The following PCSK5 variants were observed in gnomAD, a reference collection of about 807,000 sequenced individuals.
PCSK5 encodes the protein proprotein convertase subtilisin/kexin type 5, also known as prohormone convertase 5.
In PCSK5, 129 loss-of-function variants were observed where a neutral mutation model predicts 233.2. The observed-to-expected ratio is 0.55, with a 90% CI of 0.48 to 0.64. PCSK5 has a LOEUF of 0.64. PCSK5 is among the 30% of genes least tolerant of loss of function. PCSK5 has a pLI of 0.00. For missense variants in PCSK5, 2,076 were observed against 2,430.1 expected, an observed-to-expected ratio of 0.85 and a Z score of 3.06; for synonymous variants, 825 against 879.2, an observed-to-expected ratio of 0.94 and a Z score of 1.09.
chr9:76,151,785 T>C (rs1046681821), intron 10 of PCSK5, among the ~76,000 whole-genome samples: 20 of 152,228 alleles, frequency 1.3e-4, no homozygotes, highest in African/African-American at 4.6e-4. Context: ...CTTTTATACT[T>C]ACAGTAATTA....
At chr9:76,356,147 CTG>C (rs1830297375) in intron 37 of PCSK5, among the ~76,000 whole-genome samples, 1 of 152,216 alleles carries the variant, frequency 6.6e-6, no homozygotes, top group Admixed American at 6.5e-5. Context: ...AATATCCATT[CTG>C]TGTCAGCTAA....
intron 21 of PCSK5, among the ~76,000 whole-genome samples, chr9:76,227,861 C>G (rs1415354543): frequency 6.6e-6 from 1 of 152,134 alleles, no homozygotes; most frequent in African/African-American, 2.4e-5. Context: ...CAATAGGGTG[C>G]CTTTGATGCC....
intron 2 of PCSK5, among the ~76,000 whole-genome samples, chr9:75,958,258 G>C (rs1825181963): frequency 6.6e-6 from 1 of 152,166 alleles, no homozygotes; most frequent in African/African-American, 2.4e-5. Flanking sequence ...ACAATCCCCT[G>C]TAACAGGCCT....
chr9:75,900,379 CT>C (rs1825973253), intron 1 of PCSK5, among the ~76,000 whole-genome samples: 1 of 152,092 alleles, frequency 6.6e-6, no homozygotes, highest in African/African-American at 2.4e-5. Flanking sequence ...GTTATTATAT[CT>C]TGTTTAAAAT....
intron 7 of PCSK5, among the ~76,000 whole-genome samples, chr9:76,094,093 A>G (rs1252322699): frequency 1.3e-5 from 2 of 152,174 alleles, no homozygotes; most frequent in Admixed American, 1.3e-4. Context: ...AATATTTCCA[A>G]TTCCTGGGTA....
intron 20 of PCSK5, among the ~76,000 whole-genome samples, chr9:76,222,992 T>C (rs1157318018): frequency 6.6e-6 from 1 of 152,222 alleles, no homozygotes; most frequent in Non-Finnish European, 1.5e-5. Flanking sequence ...TCATACTCTA[T>C]GATTTCTGGC....
rs765295513 is a variant in PCSK5 at position 76,310,807 on chromosome 9, C to T, written c.3840C>T (p.His1280=). The T allele has an allele frequency of 4.3e-6, 7 of 1,610,432 alleles. No individual in the cohort carries two copies. The highest frequency in any genetic ancestry group is 1.1e-5 in the South Asian group (1 of 90,510). Reference sequence around the variant, plus strand: ...AAAAATGCCAGATGCAGCCGGGCCACCCTCTCTTCCTCCATGAAGGCAGGT... The same window carrying T: ...AAAAATGCCAGATGCAGCCGGGCCATCCTCTCTTCCTCCATGAAGGCAGGT... ...LCKKCQMQPG[H]PLFLHEGRCY... The change falls in exon 30 of 38, where the codon CAC becomes CAT. Residue 1280 remains histidine (H), a synonymous_variant. Transcript: ENST00000674117.
At chr9:76,093,259 T>C (rs927979598) in intron 7 of PCSK5, among the ~76,000 whole-genome samples, 1 of 151,802 alleles carries the variant, frequency 6.6e-6, no homozygotes, top group Non-Finnish European at 1.5e-5. Context: ...CACCCGGCTA[T>C]TTCTTTTTAA....
intron 19 of PCSK5, among the ~76,000 whole-genome samples, 182 bp downstream of exon 19, chr9:76,189,405 A>G (rs975744000): frequency 6.6e-6 from 1 of 152,222 alleles, no homozygotes; most frequent in Non-Finnish European, 1.5e-5. Context: ...CCTTTGCCTC[A>G]GGGGCACCTT....
At chr9:76,004,475 G>A (rs775501670) in intron 3 of PCSK5, among the ~76,000 whole-genome samples, 1 of 152,132 alleles carries the variant, frequency 6.6e-6, no homozygotes, top group Non-Finnish European at 1.5e-5. Flanking sequence ...CAGGATATCT[G>A]AGGGATGATA....
intron 2 of PCSK5, among the ~76,000 whole-genome samples, chr9:75,959,670 T>C (rs1825256105): frequency 6.6e-6 from 1 of 152,198 alleles, no homozygotes; most frequent in African/African-American, 2.4e-5. Context: ...GGGCCGACTC[T>C]GTGGCCACGG....
intron 7 of PCSK5, among the ~76,000 whole-genome samples, chr9:76,092,659 G>A (rs895154866): frequency 9.8e-5 from 15 of 152,336 alleles, no homozygotes; most frequent in Non-Finnish European, 1.6e-4. Context: ...CACCCAGCCC[G>A]TTAGTGAGCA....
At chr9:76,053,366 T>C (rs1829703721) in intron 5 of PCSK5, among the ~76,000 whole-genome samples, 1 of 152,194 alleles carries the variant, frequency 6.6e-6, no homozygotes, top group Non-Finnish European at 1.5e-5. Flanking sequence ...AGGCGGAGGT[T>C]CCCAAACATC....
rs1222309074 is a variant in PCSK5, at chr9:76,358,887, G to T, written c.5629G>T (p.Glu1877Ter). The change falls in exon 38 of 38, where the codon GAA becomes TAA. Residue 1877 changes from glutamate (E) to a stop codon, truncating the protein, a stop_gained. Transcript: ENST00000674117. LOFTEE classifies it high-confidence loss of function. ...LLDDDDIDEL[E>*]YDDESYSYYQ ...GGATGACGATGACATAGATGAGCTGGAATATGATGACGAGAGTTACTCCTA... is the reference window on the plus strand; with the variant it reads ...GGATGACGATGACATAGATGAGCTGTAATATGATGACGAGAGTTACTCCTA... The T allele has an allele frequency of 1.2e-6, 2 of 1,612,792 alleles. No individual in the cohort carries two copies. Among genetic ancestry groups the T allele is most frequent in the Middle Eastern group, 1.6e-4 (1 of 6,062 alleles).
chr9:76,065,045 A>C (rs142872471), intron 5 of PCSK5, among the ~76,000 whole-genome samples: 1 of 152,246 alleles, frequency 6.6e-6, no homozygotes, highest in East Asian at 1.9e-4. Flanking sequence ...ACATTTTCTT[A>C]TTCATTCATC....
intron 37 of PCSK5, among the ~76,000 whole-genome samples, chr9:76,355,780 G>A (rs113351167): frequency 0.037 from 5,662 of 151,472 alleles, 357 homozygotes; most frequent in African/African-American, 0.13. Context: ...CTCGGCTCAC[G>A]GCAACCTCTG....
intron 5 of PCSK5, among the ~76,000 whole-genome samples, chr9:76,048,930 A>G (rs973644357): frequency 4.6e-5 from 7 of 152,184 alleles, no homozygotes; most frequent in Non-Finnish European, 1.0e-4. Context: ...GAGGTAGAAA[A>G]GGTAGAAGCA....
Position 76,157,069 on chromosome 9 carries a change from T to C in PCSK5, c.1337T>C (p.Leu446Pro). The change falls in exon 11 of 38, where the codon CTG becomes CCG. Residue 446 changes from leucine to proline, a missense_variant. Transcript: ENST00000674117. ...GTGAGCCATCTTTATGGATTTGGAC[T>C]GATGGACGCAGAAGCCATGGTGATG... ...FKVSHLYGFG[L>P]MDAEAMVMEA... is the part of the protein sequence containing the mutation. The C allele has an allele frequency of 6.2e-7, 1 of 1,613,692 alleles. No individual in the cohort carries two copies. Among genetic ancestry groups the C allele is most frequent in the Non-Finnish European group, 8.5e-7 (1 of 1,179,686 alleles).
In PCSK5 at chr9:76,352,760, GAGCACTC is replaced by G. The variant is rs1230538742; in HGVS notation, c.5068-1272_5068-1266del. Among the ~76,000 whole-genome samples, 4 of 152,196 alleles carry G rather than the reference GAGCACTC, an allele frequency of 2.6e-5. No homozygotes were observed. In the East Asian group the frequency reaches 7.7e-4, roughly 29 times the overall value. ...AACACAAACTAACATATTTACATAT[GAGCACTC>G]TTTAAATTCTGGCAACAGCCGTCAT... On this transcript the variant is annotated intron_variant, in intron 36 of 37. Transcript: ENST00000674117.
Sources: allele counts gnomAD v4.1 joint callset (sites outside exome capture counted in the v4.1 genomes callset), GRCh38; gene constraint gnomAD v4.1.1; transcripts MANE v1.5; gene names NCBI Gene and HGNC (gene_info 2026-07-23, HGNC 2026-07-21).